The following SLC1A2 variants were observed in gnomAD, a reference collection of about 807,000 sequenced individuals.
SLC1A2 encodes excitatory amino acid transporter 2.
In SLC1A2, 15 loss-of-function variants were observed where a neutral mutation model predicts 48.8. The observed-to-expected ratio is 0.31, with a 90% CI of 0.21 to 0.47. The LOEUF (loss-of-function observed/expected upper bound fraction) is 0.47, where lower values mean the gene tolerates loss of function less well. Among genes scored for constraint, SLC1A2 ranks in the 20% least tolerant of loss-of-function variants. SLC1A2 has a pLI of 0.99. For missense variants in SLC1A2, 502 were observed against 730.5 expected, an observed-to-expected ratio of 0.69 and a Z score of 3.61; for synonymous variants, 279 against 272.6, an observed-to-expected ratio of 1.02 and a Z score of -0.23.
intron 1 of SLC1A2, chr11:35,322,701 G>T: frequency 1.5e-6 from 2 of 1,333,886 alleles, no homozygotes; most frequent in Non-Finnish European, 2.1e-6. Context: ...AACAAAAACA[G>T]TGCTCACTGC....
chr11:35,323,247 A>C (rs117135679), intron 1 of SLC1A2: 3,055 of 166,864 alleles, frequency 0.018, 44 homozygotes, highest in Non-Finnish European at 0.028. Context: ...CTGAATCATG[A>C]TGGTATTGGG....
chr11:35,372,016 C>T (rs1308751740), intron 1 of SLC1A2, among the ~76,000 whole-genome samples: 2 of 152,208 alleles, frequency 1.3e-5, no homozygotes, highest in African/African-American at 4.8e-5. Flanking sequence ...TGGGGTCTGG[C>T]CCAGCAGCTG....
At chr11:35,393,638 C>T (rs866408427) in intron 1 of SLC1A2, among the ~76,000 whole-genome samples, 15 of 152,124 alleles carry the variant, frequency 9.9e-5, no homozygotes, top group Admixed American at 3.3e-4. Context: ...GATTTGGCAA[C>T]GGGCAATAGG....
intron 1 of SLC1A2, among the ~76,000 whole-genome samples, chr11:35,329,599 A>T (rs1389611772): frequency 6.6e-6 from 1 of 152,248 alleles, no homozygotes; most frequent in African/African-American, 2.4e-5. Context: ...CCATCCCTGA[A>T]TATTCCAATT....
intron 4 of SLC1A2, chr11:35,307,355 C>T (rs1851544777): frequency 6.6e-6 from 1 of 152,196 alleles, no homozygotes; most frequent in African/African-American, 2.4e-5. Context: ...GCAGTGATGC[C>T]AAGCCTTTCT....
At chr11:35,332,622 A>G (rs888486848) in intron 1 of SLC1A2, among the ~76,000 whole-genome samples, 1 of 152,138 alleles carries the variant, frequency 6.6e-6, no homozygotes, top group Non-Finnish European at 1.5e-5. Flanking sequence ...AGATCTCTGG[A>G]CTCAAATATA....
chr11:35,265,780 G>C (rs781608912), intron 9 of SLC1A2, 22 bp from the exon 10 acceptor site: 36 of 1,475,340 alleles, frequency 2.4e-5, no homozygotes, highest in Non-Finnish European at 4.7e-6. Context: ...GAACAGAAAA[G>C]GTTCAGTGAG....
intron 1 of SLC1A2, among the ~76,000 whole-genome samples, chr11:35,382,846 C>G (rs1371162022): frequency 6.6e-6 from 1 of 151,794 alleles, no homozygotes; most frequent in Non-Finnish European, 1.5e-5. Context: ...CTAGATCATG[C>G]TTTAGACCTT....
intron 1 of SLC1A2, among the ~76,000 whole-genome samples, chr11:35,364,650 C>A (rs1039236275): frequency 6.6e-6 from 1 of 152,164 alleles, no homozygotes; most frequent in Non-Finnish European, 1.5e-5. Flanking sequence ...TTCCCTGAGC[C>A]TTAGTTTCTT....
chr11:35,410,234 G>A (rs772973939), intron 1 of SLC1A2, among the ~76,000 whole-genome samples: 5 of 152,116 alleles, frequency 3.3e-5, no homozygotes, highest in Non-Finnish European at 5.9e-5. Flanking sequence ...AATAAATCAA[G>A]CTAATTAATG....
At chr11:35,340,206 C>T (rs1274326679) in intron 1 of SLC1A2, among the ~76,000 whole-genome samples, 1 of 152,172 alleles carries the variant, frequency 6.6e-6, no homozygotes, top group Non-Finnish European at 1.5e-5. Flanking sequence ...CCTTTGGTGT[C>T]TGCCCCAACT....
intron 1 of SLC1A2, among the ~76,000 whole-genome samples, chr11:35,328,379 T>C (rs544053844): frequency 6.6e-6 from 1 of 152,288 alleles, no homozygotes; most frequent in Admixed American, 6.5e-5. Flanking sequence ...CAGCTAACAT[T>C]TACTCAAAAC....
At chr11:35,282,202 T>G (rs1400284462) in intron 8 of SLC1A2, among the ~76,000 whole-genome samples, 3 of 152,054 alleles carry the variant, frequency 2.0e-5, no homozygotes, top group Non-Finnish European at 4.4e-5. Context: ...AACCACACCC[T>G]TCCCCTCCCC....
intron 1 of SLC1A2, among the ~76,000 whole-genome samples, chr11:35,326,074 A>G (rs551760986): frequency 6.6e-6 from 1 of 151,714 alleles, no homozygotes; most frequent in South Asian, 2.1e-4. Context: ...GGTGGTTGTG[A>G]TCCAGCTGCC....
At chr11:35,314,048 C>G (rs963772003) in intron 3 of SLC1A2, among the ~76,000 whole-genome samples, 1 of 138,456 alleles carries the variant, frequency 7.2e-6, no homozygotes. Flanking sequence ...AATTTATACC[C>G]TGTTTGAGCA....
intron 7 of SLC1A2, among the ~76,000 whole-genome samples, chr11:35,291,035 G>T (rs887347568): frequency 6.6e-6 from 1 of 152,140 alleles, no homozygotes; most frequent in Admixed American, 6.5e-5. Context: ...AGGCCCTGCT[G>T]CGTCATGCAG....
chr11:35,413,875 C>T (rs1455330825), intron 1 of SLC1A2: 1 of 152,176 alleles, frequency 6.6e-6, no homozygotes, highest in Non-Finnish European at 1.5e-5. Flanking sequence ...CCTGACCAAA[C>T]GTAAGAGAAG....
intron 9 of SLC1A2, among the ~76,000 whole-genome samples, chr11:35,278,706 C>G (rs912512688): frequency 6.6e-6 from 1 of 152,142 alleles, no homozygotes; most frequent in South Asian, 2.1e-4. Context: ...GAAGCAGAAA[C>G]AGACTCAAGT....
intron 7 of SLC1A2, among the ~76,000 whole-genome samples, chr11:35,289,981 G>A (rs1430729163): frequency 2.0e-5 from 3 of 152,190 alleles, no homozygotes; most frequent in Non-Finnish European, 4.4e-5. Context: ...CAGGCGAAAG[G>A]GGAGGGGAAG....
Sources: gnomAD v4.1 joint callset for allele counts (sites outside exome capture counted in the v4.1 genomes callset) on GRCh38, gnomAD v4.1.1 for gene constraint, MANE v1.5 for transcripts, NCBI Gene and HGNC (gene_info 2026-07-23, HGNC 2026-07-21) for gene names.